The following SLC25A33 variants were observed in gnomAD, a reference collection of about 807,000 sequenced individuals.
SLC25A33 encodes bone marrow stromal cell mitochondrial carrier protein.
In SLC25A33, 15 loss-of-function variants were observed where a neutral mutation model predicts 35.5. That is an observed-to-expected ratio of 0.42 (90% CI 0.28 to 0.65). The LOEUF (loss-of-function observed/expected upper bound fraction) is 0.65, where lower values mean the gene tolerates loss of function less well. Ranked by LOEUF, SLC25A33 falls within the 30% of genes least tolerant of loss-of-function variation. The probability of loss-of-function intolerance (pLI) is 0.20; values close to 1 mark genes in which losing one functional copy is unlikely to be tolerated. For synonymous variants in SLC25A33, 136 were observed against 148.7 expected, an observed-to-expected ratio of 0.91 and a Z score of 0.62; for missense variants, 257 against 398.5, an observed-to-expected ratio of 0.64 and a Z score of 3.02.
chr1:9,553,759 A>G lies in SLC25A33; in HGVS notation c.190A>G (p.Met64Val), dbSNP rs1243646411. The change falls in exon 2 of 7, where the codon ATG becomes GTG. Residue 64 changes from methionine to valine, a missense_variant. Met to Val is a conservative substitution (Grantham distance 21, BLOSUM62 1). Transcript: ENST00000302692. ...VHLGTISGAG[M>V]VRPTSVTPGL... ...TCTGGGGACCATTAGTGGAGCTGGA[A>G]TGGTGAGACCAACATCCGTGACACC... The G allele has an allele frequency of 6.2e-7, 1 of 1,614,178 alleles. No homozygotes were observed. Among genetic ancestry groups the G allele is most frequent in the South Asian group, 1.1e-5 (1 of 91,084 alleles).
At chr1:9,557,263 A>G (rs1297684032) in intron 2 of SLC25A33, among the ~76,000 whole-genome samples, 2 of 152,238 alleles carry the variant, frequency 1.3e-5, no homozygotes, top group Admixed American at 6.5e-5. Flanking sequence ...TATTTTATTG[A>G]CATCAAAATA....
chr1:9,574,371 G>A (rs115876988), intron 5 of SLC25A33, among the ~76,000 whole-genome samples: 334 of 152,242 alleles, frequency 2.2e-3, no homozygotes, highest in African/African-American at 7.4e-3. Flanking sequence ...TATTACAGGC[G>A]TGAACCACCA....
chr1:9,564,739 A>T (rs11577152), intron 2 of SLC25A33, among the ~76,000 whole-genome samples: 4,843 of 95,242 alleles, frequency 0.051, 160 homozygotes, highest in Middle Eastern at 0.097. Context: ...AAAAAAAAAA[A>T]ATATATATAT....
chr1:9,555,104 T>A (rs1643320660), intron 2 of SLC25A33, among the ~76,000 whole-genome samples: 1 of 151,058 alleles, frequency 6.6e-6, no homozygotes. Flanking sequence ...AACAACGCAT[T>A]TAGCACTTTT....
chr1:9,576,106 A>G (rs1457685819), intron 5 of SLC25A33, among the ~76,000 whole-genome samples: 2 of 152,176 alleles, frequency 1.3e-5, no homozygotes, highest in Non-Finnish European at 2.9e-5. Flanking sequence ...CATTCTGCCT[A>G]ATGATGGTGC....
At chr1:9,576,639 T>G (rs190623591) in intron 5 of SLC25A33, 6 of 606,686 alleles carry the variant, frequency 9.9e-6, no homozygotes, top group Non-Finnish European at 1.6e-5. Context: ...TTGGTAGTTA[T>G]GTGCAGAACA....
intron 1 of SLC25A33, among the ~76,000 whole-genome samples, chr1:9,545,800 A>T (rs907789149): frequency 2.6e-5 from 4 of 151,776 alleles, no homozygotes; most frequent in African/African-American, 9.7e-5. Flanking sequence ...CTCTACTAAA[A>T]ATACAAAAAA....
At chr1:9,566,957 G>A (rs990702099) in intron 2 of SLC25A33, among the ~76,000 whole-genome samples, 2 of 152,064 alleles carry the variant, frequency 1.3e-5, no homozygotes, top group South Asian at 2.1e-4. Context: ...GAACCCAGGA[G>A]GCAGAGGTTC....
rs56026893 is a variant in SLC25A33 at position 9,582,271 on chromosome 1, C to T, written c.764-28C>T. 0.16 allele frequency: 262,357 copies of T among 1,609,742 alleles called. 22,262 individuals carry two copies. The highest frequency in any genetic ancestry group is 0.27 in the East Asian group (12,060 of 44,834). On this transcript the variant is annotated intron_variant, in intron 6 of 6. Transcript: ENST00000302692. The surrounding 1 kb of genome is among the most constrained non-coding windows in gnomAD (Gnocchi z 4.0). ...GATTCGTTCCCCATTTAATATGTGG[C>T]GTAAAGTAGGTCTTTCTCTCTCTGC... is the stretch of plus-strand genomic sequence containing the variant.
At chr1:9,576,872 G>A (rs1440622908) in intron 5 of SLC25A33, 2 of 1,262,534 alleles carry the variant, frequency 1.6e-6, no homozygotes, top group Non-Finnish European at 2.3e-6. Flanking sequence ...CATCGAGCTT[G>A]TTTCAAATTC....
intron 2 of SLC25A33, among the ~76,000 whole-genome samples, chr1:9,559,389 A>G (rs1643388672): frequency 6.6e-6 from 1 of 152,158 alleles, no homozygotes; most frequent in South Asian, 2.1e-4. Flanking sequence ...GAGTTTTGGC[A>G]TGTCAGGAAG....
chr1:9,560,578 C>T (rs1453852130), intron 2 of SLC25A33, among the ~76,000 whole-genome samples: 1 of 152,028 alleles, frequency 6.6e-6, no homozygotes, highest in Non-Finnish European at 1.5e-5. Context: ...AAAAAGTTGT[C>T]TGCTTATTAA....
chr1:9,557,323 A>C (rs563338089), intron 2 of SLC25A33, among the ~76,000 whole-genome samples: 28 of 152,366 alleles, frequency 1.8e-4, no homozygotes, highest in African/African-American at 5.8e-4. Context: ...TTTTGTCAGA[A>C]AGGTGTTTGT....
intron 1 of SLC25A33, among the ~76,000 whole-genome samples, chr1:9,553,230 G>GTTTGTTTTT (rs1643294302): frequency 1.1e-5 from 1 of 91,212 alleles, no homozygotes; most frequent in African/African-American, 4.4e-5. Flanking sequence ...TTTTTTTTGG[G>GTTTGTTTTT]TTTTTTTTTT....
chr1:9,540,619 C>T (rs1402547244), intron 1 of SLC25A33, among the ~76,000 whole-genome samples: 2 of 151,920 alleles, frequency 1.3e-5, no homozygotes, highest in African/African-American at 4.8e-5. Context: ...GGGGTCCTTT[C>T]GGAGTCTTAC....
intron 1 of SLC25A33, among the ~76,000 whole-genome samples, chr1:9,550,980 TTCTA>T (rs901541642): frequency 2.6e-5 from 4 of 152,108 alleles, no homozygotes; most frequent in Non-Finnish European, 5.9e-5. Flanking sequence ...ACCTGGCCAC[TTCTA>T]TCTTTTTAAA....
At position 9,582,650 on chromosome 1, in the gene SLC25A33, T is replaced by G. The variant is rs1028118725; in HGVS notation, c.*149T>G. 2 of 735,638 alleles carry G rather than the reference T, an allele frequency of 2.7e-6. No individual in the cohort carries two copies. Among genetic ancestry groups the G allele is most frequent in the Admixed American group, 3.0e-5 (1 of 32,858 alleles). The allele number at this position is 735,638 out of a possible 1,614,324, so 45.6% of individuals were successfully genotyped here. A position where few individuals can be genotyped will look rare whatever the true frequency, so the allele number is the denominator to read the frequency against. ...CACCTGTTGGACATTTCCTTTTGGATTCATGCTTTCTGGAAGGTTTAAATT... is the reference window on the plus strand; with the variant it reads ...CACCTGTTGGACATTTCCTTTTGGAGTCATGCTTTCTGGAAGGTTTAAATT... On this transcript the variant is annotated 3_prime_UTR_variant, in exon 7 of 7. Coordinates refer to ENST00000302692, the MANE Select transcript of SLC25A33 (RefSeq NM_032315.3). The surrounding 1 kb of genome is among the most constrained non-coding windows in gnomAD (Gnocchi z 4.0).
At position 9,579,962 on chromosome 1, in the gene SLC25A33, G is replaced by A. The variant is rs1419465601; in HGVS notation, c.491G>A (p.Gly164Asp). 6.2e-7 allele frequency: 1 copy of A among 1,613,324 alleles called. No individual in the cohort carries two copies. Among genetic ancestry groups the A allele is most frequent in the African/African-American group, 1.3e-5 (1 of 74,950 alleles). The change falls in exon 6 of 7, where the codon GGC becomes GAC. Residue 164 changes from glycine to aspartate, a missense_variant. Physicochemically the swap from Gly to Asp is moderately conservative, Grantham distance 94. Transcript: ENST00000302692. ...TGGTCTCTTTTATGCAGAGTGAGGG[G>A]CTCTAAGCAGATGAATACACTCCAG... ...TRMQLEQKVR[G>D]SKQMNTLQCA...
At chr1:9,567,713 A>G (rs1280967025) in intron 3 of SLC25A33, among the ~76,000 whole-genome samples, 2 of 152,240 alleles carry the variant, frequency 1.3e-5, no homozygotes, top group African/African-American at 2.4e-5. Flanking sequence ...TCCCAGACCT[A>G]CATCAGAATC....
Sources: gnomAD v4.1 joint callset for allele counts (sites outside exome capture counted in the v4.1 genomes callset) on GRCh38, gnomAD v4.1.1 for gene constraint, Gnocchi (gnomAD v3.1) non-coding constraint, MANE v1.5 for transcripts, NCBI Gene and HGNC (gene_info 2026-07-23, HGNC 2026-07-21) for gene names.